The following MCTP1 variants were observed in gnomAD, a reference collection of about 807,000 sequenced individuals.
MCTP1 encodes multiple C2 and transmembrane domain-containing protein 1.
A neutral mutation model predicts 120.6 loss-of-function variants in MCTP1; 69 were observed. The observed-to-expected ratio is 0.57, with a 90% CI of 0.47 to 0.70. The LOEUF is 0.70. MCTP1 is among the 30% of genes least tolerant of loss of function. MCTP1 has a pLI of 0.00. For missense variants in MCTP1, 1,203 were observed against 1,248.8 expected, an observed-to-expected ratio of 0.96 and a Z score of 0.55; for synonymous variants, 529 against 493.1, an observed-to-expected ratio of 1.07 and a Z score of -0.96.
At chr5:94,878,508 T>C (rs1799391654) in intron 12 of MCTP1, among the ~76,000 whole-genome samples, 1 of 152,074 alleles carries the variant, frequency 6.6e-6, no homozygotes, top group Non-Finnish European at 1.5e-5. Context: ...CTAGATCTAA[T>C]ACTTTTTTTT....
chr5:95,077,238 A>G (rs1296876519), intron 1 of MCTP1, among the ~76,000 whole-genome samples: 2 of 152,192 alleles, frequency 1.3e-5, no homozygotes, highest in African/African-American at 4.8e-5. Flanking sequence ...ATATTCTGCC[A>G]TGACTGTTTC....
intron 1 of MCTP1, among the ~76,000 whole-genome samples, chr5:95,203,053 T>C (rs934695162): frequency 9.9e-5 from 15 of 152,144 alleles, no homozygotes; most frequent in Non-Finnish European, 1.5e-5. Flanking sequence ...CTTAAGCCTG[T>C]AAAAATTTTC....
chr5:94,765,711 A>G (rs1000055165), intron 19 of MCTP1, among the ~76,000 whole-genome samples: 1 of 150,874 alleles, frequency 6.6e-6, no homozygotes, highest in Admixed American at 6.6e-5. Context: ...CAAAAAAGAA[A>G]AAAAAAAAAA....
chr5:94,909,129 T>C, intron 10 of MCTP1, 122 bp downstream of exon 10: 1 of 1,204,708 alleles, frequency 8.3e-7, no homozygotes, highest in Non-Finnish European at 1.2e-6. Context: ...AGCATTGCCT[T>C]ACCATGGTAA....
chr5:94,720,709 TA>T (rs1333224768), intron 19 of MCTP1, among the ~76,000 whole-genome samples: 1 of 152,216 alleles, frequency 6.6e-6, no homozygotes, highest in Non-Finnish European at 1.5e-5. Flanking sequence ...TTTACTTTTG[TA>T]ATAAGAATAT....
chr5:94,984,548 TATA>T (rs1245754586), intron 2 of MCTP1, among the ~76,000 whole-genome samples: 2 of 152,162 alleles, frequency 1.3e-5, no homozygotes, highest in African/African-American at 4.8e-5. Context: ...AATTTGATGT[TATA>T]ATAATAACAT....
intron 2 of MCTP1, among the ~76,000 whole-genome samples, chr5:94,977,702 A>G (rs1456402790): frequency 6.6e-6 from 1 of 152,168 alleles, no homozygotes; most frequent in Non-Finnish European, 1.5e-5. Flanking sequence ...CCAGGAATAC[A>G]AAATAGGGAA....
chr5:94,735,605 C>A (rs1764044448), intron 19 of MCTP1, among the ~76,000 whole-genome samples: 1 of 152,054 alleles, frequency 6.6e-6, no homozygotes, highest in East Asian at 1.9e-4. Flanking sequence ...AAGTGATATT[C>A]ATTTTGATTT....
At chr5:94,996,028 T>C (rs1253990093) in intron 2 of MCTP1, among the ~76,000 whole-genome samples, 1 of 152,226 alleles carries the variant, frequency 6.6e-6, no homozygotes, top group African/African-American at 2.4e-5. Flanking sequence ...AATTAAGTAT[T>C]CAATATTTCT....
chr5:94,744,727 T>C (rs1024183227), intron 19 of MCTP1, among the ~76,000 whole-genome samples: 1 of 152,110 alleles, frequency 6.6e-6, no homozygotes, highest in African/African-American at 2.4e-5. Context: ...GTCAGGCTGA[T>C]CTCGAACTCC....
At chr5:94,973,561 C>G (rs900611125) in intron 2 of MCTP1, among the ~76,000 whole-genome samples, 1 of 152,102 alleles carries the variant, frequency 6.6e-6, no homozygotes, top group Non-Finnish European at 1.5e-5. Context: ...CATCCCAGAA[C>G]CTGCCACAAA....
chr5:94,776,852 C>A (rs1468472169), intron 19 of MCTP1, among the ~76,000 whole-genome samples: 1 of 152,166 alleles, frequency 6.6e-6, no homozygotes, highest in Non-Finnish European at 1.5e-5. Context: ...GTAACATTTA[C>A]CGCTGTGAAA....
intron 17 of MCTP1, chr5:94,867,619 A>G (rs1797069921): frequency 2.6e-6 from 1 of 387,872 alleles, no homozygotes; most frequent in Non-Finnish European, 4.6e-6. Flanking sequence ...TCAAACTGAA[A>G]TCCTGAAAAA....
chr5:95,135,856 T>C (rs1324958144), intron 1 of MCTP1, among the ~76,000 whole-genome samples: 1 of 152,232 alleles, frequency 6.6e-6, no homozygotes, highest in Non-Finnish European at 1.5e-5. Context: ...AGTATTTTGG[T>C]TCAATAAACT....
At chr5:94,713,856 A>G (rs1758009796) in intron 20 of MCTP1, among the ~76,000 whole-genome samples, 1 of 152,128 alleles carries the variant, frequency 6.6e-6, no homozygotes, top group Admixed American at 6.5e-5. Flanking sequence ...TAAATAATTT[A>G]CTCCTTTCAA....
chr5:95,114,344 G>T (rs1757664534), intron 1 of MCTP1, among the ~76,000 whole-genome samples: 1 of 152,220 alleles, frequency 6.6e-6, no homozygotes, highest in Admixed American at 6.5e-5. Flanking sequence ...CACCAAGCAG[G>T]CTATTGGGGT....
chr5:94,977,036 C>T (rs1828269760), intron 2 of MCTP1, among the ~76,000 whole-genome samples: 1 of 151,990 alleles, frequency 6.6e-6, no homozygotes, highest in South Asian at 2.1e-4. Context: ...GTAAAATTGG[C>T]CCTGTTTGCA....
intron 1 of MCTP1, among the ~76,000 whole-genome samples, chr5:95,174,103 A>T (rs1582441799): frequency 6.6e-6 from 1 of 152,126 alleles, no homozygotes; most frequent in African/African-American, 2.4e-5. Context: ...CACTGCTATT[A>T]CCTCTAGCAC....
chr5:94,857,970 A>G (rs1486634435), intron 17 of MCTP1, among the ~76,000 whole-genome samples: 1 of 151,732 alleles, frequency 6.6e-6, no homozygotes, highest in South Asian at 2.1e-4. Context: ...GCAATTTAGA[A>G]AGACAGCGAT....
Sources: gnomAD v4.1 joint callset for allele counts (sites outside exome capture counted in the v4.1 genomes callset) on GRCh38, gnomAD v4.1.1 for gene constraint, MANE v1.5 for transcripts, NCBI Gene and HGNC (gene_info 2026-07-23, HGNC 2026-07-21) for gene names.